MMD2: variants seen among roughly 807,000 people sequenced by gnomAD.
MMD2 encodes monocyte to macrophage differentiation associated 2.
Under a neutral mutation model 33.5 loss-of-function variants are expected in MMD2, and 30 were observed. That is an observed-to-expected ratio of 0.90 (90% CI 0.67 to 1.22). The LOEUF is 1.22. MMD2 is among the 50% of genes most tolerant of loss of function. The pLI is 0.00. For missense variants in MMD2, 364 were observed against 325.4 expected (o/e 1.12, Z -0.91); for synonymous variants, 129 against 123.0 (o/e 1.05, Z -0.32).
At chr7:4,893,746 G>A in the MMD2 span, among the ~76,000 whole-genome samples, 4 of 152,178 alleles carry the variant, frequency 2.6e-5, no homozygotes. Flanking sequence ...AGTTTTCCAG[G>A]AAACGGATGG....
chr7:4,913,448 G>A (rs555316589), intron 4 of MMD2, among the ~76,000 whole-genome samples: 217 of 152,190 alleles, frequency 1.4e-3, no homozygotes, highest in African/African-American at 5.0e-3. Flanking sequence ...CTGGCGCAGT[G>A]TCTCACGCCT....
chr7:4,927,638 C>CAG (rs1385886571), intron 1 of MMD2, among the ~76,000 whole-genome samples: 1 of 152,032 alleles, frequency 6.6e-6, no homozygotes, highest in Non-Finnish European at 1.5e-5. Context: ...ACCCGGGAGG[C>CAG]AGAAGTTGCA....
chr7:4,938,853 T>C (rs1785823251), intron 1 of MMD2, among the ~76,000 whole-genome samples: 1 of 152,154 alleles, frequency 6.6e-6, no homozygotes, highest in South Asian at 2.1e-4. Context: ...ACATTTTAAA[T>C]AAAGTCAAGT....
At chr7:4,926,646 G>T (rs1025882382) in intron 1 of MMD2, among the ~76,000 whole-genome samples, 1 of 152,084 alleles carries the variant, frequency 6.6e-6, no homozygotes, top group South Asian at 2.1e-4. Flanking sequence ...ATAAACTCCC[G>T]CAGAACACGC....
chr7:4,912,561 C>CAA (rs1193941557), intron 4 of MMD2, among the ~76,000 whole-genome samples: 2 of 116,524 alleles, frequency 1.7e-5, no homozygotes, highest in Non-Finnish European at 3.6e-5. Context: ...GACTCTGTCT[C>CAA]AAAAAAAAAA....
the MMD2 span, among the ~76,000 whole-genome samples, chr7:4,898,500 A>G: frequency 6.6e-6 from 1 of 152,200 alleles, no homozygotes; most frequent in Non-Finnish European, 1.5e-5. Flanking sequence ...GGGATAGGAT[A>G]GGGTAGGGAA....
chr7:4,900,862 G>A, the MMD2 span, among the ~76,000 whole-genome samples: 8 of 152,248 alleles, frequency 5.3e-5, no homozygotes, highest in South Asian at 2.1e-4. Flanking sequence ...TCCCTGGGCC[G>A]GGCGCAGTGG....
intron 1 of MMD2, among the ~76,000 whole-genome samples, chr7:4,957,499 A>C (rs147101068): frequency 3.3e-4 from 50 of 150,382 alleles, no homozygotes; most frequent in Non-Finnish European, 6.8e-4. Flanking sequence ...AATACAAAAA[A>C]TTAGCCGGGC....
intron 1 of MMD2, among the ~76,000 whole-genome samples, chr7:4,943,088 C>G (rs1242195317): frequency 6.9e-6 from 1 of 144,016 alleles, no homozygotes; most frequent in Non-Finnish European, 1.5e-5. Context: ...CAGCTCATTG[C>G]AACCTCCACC....
At chr7:4,925,639 A>C in intron 1 of MMD2, 107 bp from the exon 2 acceptor site, 4 of 656,044 alleles carry the variant, frequency 6.1e-6, no homozygotes, top group Non-Finnish European at 9.8e-6. Context: ...AAAGAAGAGC[A>C]CTCCCCTTCT....
chr7:4,904,339 A>G (rs1009422625), downstream of MMD2, among the ~76,000 whole-genome samples: 3 of 152,174 alleles, frequency 2.0e-5, no homozygotes, highest in East Asian at 1.9e-4. Flanking sequence ...TTCCTGCACT[A>G]CTTAGGATAC....
chr7:4,959,024 G>A lies in MMD2; in HGVS notation c.-7C>T. ...GCAGCCGGGGGGCGAACATCGCGGC[G>A]CTTCCATGGGAATCTGGCCCCGGGC... On this transcript the variant is annotated 5_prime_UTR_variant, in exon 1 of 7. Transcript: ENST00000401401. 1 of 1,264,800 alleles carries A rather than the reference G, an allele frequency of 7.9e-7. No homozygotes were observed. Among genetic ancestry groups the A allele is most frequent in the Non-Finnish European group, 1.0e-6 (1 of 997,028 alleles). The allele number at this position is 1,264,800 out of a possible 1,614,324, so 78.3% of individuals were successfully genotyped here. A position where few individuals can be genotyped will look rare whatever the true frequency, so the allele number is the denominator to read the frequency against.
intron 1 of MMD2, among the ~76,000 whole-genome samples, chr7:4,933,689 G>T (rs1174040491): frequency 6.6e-6 from 1 of 151,642 alleles, no homozygotes; most frequent in Non-Finnish European, 1.5e-5. Context: ...CTGGAGTGCA[G>T]TGGTGTCATC....
chr7:4,902,460 T>G (rs139126016), downstream of MMD2, among the ~76,000 whole-genome samples: 1,031 of 152,312 alleles, frequency 6.8e-3, 13 homozygotes, highest in African/African-American at 0.023. Flanking sequence ...TTTGGCTTCC[T>G]GCTTTGTAAT....
At chr7:4,929,039 A>G (rs1255649624) in intron 1 of MMD2, among the ~76,000 whole-genome samples, 8 of 152,150 alleles carry the variant, frequency 5.3e-5, no homozygotes, top group Admixed American at 5.2e-4. Flanking sequence ...ATATGCTGGT[A>G]TGGGCAGGGC....
chr7:4,907,454 T>G lies in MMD2; in HGVS notation c.683A>C (p.Tyr228Ser), dbSNP rs139010213. The G allele has an allele frequency of 9.3e-6, 15 of 1,613,994 alleles. No individual in the cohort carries two copies. The highest frequency in any genetic ancestry group is 2.7e-5 in the African/African-American group (2 of 75,056). Residue 228 changes from tyrosine to serine, a missense_variant, in exon 7 of 7, where the codon TAT (tyrosine) becomes TCT (serine). Coordinates refer to ENST00000401401, the MANE Select transcript of MMD2 (RefSeq NM_198403.4). The stretch of plus-strand genomic sequence containing the variant: ...CAGATAGAGGTACCTCCAGATGGCA[T>G]AGTAGTGGGTACCAGCACCAAATGC... ...FVAFGAGTHY[Y>S]AIWRYLYLPS...
chr7:4,899,823 G>A, the MMD2 span, among the ~76,000 whole-genome samples: 4 of 152,178 alleles, frequency 2.6e-5, no homozygotes. Flanking sequence ...CGGGTCACAT[G>A]ATACACAGGT....
intron 4 of MMD2, among the ~76,000 whole-genome samples, chr7:4,913,436 G>T (rs1785063549): frequency 6.6e-6 from 1 of 152,114 alleles, no homozygotes; most frequent in South Asian, 2.1e-4. Flanking sequence ...TGGATTTTCT[G>T]CCTGGCGCAG....
At chr7:4,957,415 G>A (rs970726394) in intron 1 of MMD2, among the ~76,000 whole-genome samples, 30 of 152,010 alleles carry the variant, frequency 2.0e-4, no homozygotes, top group Admixed American at 1.6e-3. Flanking sequence ...TTGGGAGGCC[G>A]AGGCGGGGGG....
Sources: gnomAD v4.1 joint callset for allele counts (sites outside exome capture counted in the v4.1 genomes callset) on GRCh38, gnomAD v4.1.1 for gene constraint, MANE v1.5 for transcripts, NCBI Gene and HGNC (gene_info 2026-07-23, HGNC 2026-07-21) for gene names.